The following PLEKHA5 variants were observed in gnomAD, a reference collection of about 807,000 sequenced individuals.
PLEKHA5 encodes pleckstrin homology domain-containing family A member 5.
PLEKHA5 carries 55 observed loss-of-function variants against 181.9 expected under a neutral mutation model. That is an observed-to-expected ratio of 0.30 (90% CI 0.24 to 0.38). PLEKHA5 has a LOEUF of 0.38. PLEKHA5 is among the 10% of genes least tolerant of loss of function. The pLI, the probability that PLEKHA5 is intolerant of heterozygous loss-of-function variation, is 1.00. For synonymous variants in PLEKHA5, 535 were observed against 529.4 expected (o/e 1.01, Z -0.15); for missense variants, 1,432 against 1,549.5 (o/e 0.92, Z 1.27).
intron 14 of PLEKHA5, among the ~76,000 whole-genome samples, chr12:19,291,358 A>G (rs1260350454): frequency 2.0e-5 from 3 of 152,216 alleles, no homozygotes; most frequent in Non-Finnish European, 4.4e-5. Context: ...ATTGACATGT[A>G]AAAGTTCTAA....
At chr12:19,240,628 A>T (rs2062367682) in intron 3 of PLEKHA5, among the ~76,000 whole-genome samples, 1 of 149,150 alleles carries the variant, frequency 6.7e-6, no homozygotes, top group African/African-American at 2.4e-5. Flanking sequence ...TATTATTATT[A>T]ATTATTATTA....
intron 3 of PLEKHA5, among the ~76,000 whole-genome samples, chr12:19,218,955 T>A (rs965012086): frequency 4.0e-5 from 6 of 150,466 alleles, no homozygotes; most frequent in South Asian, 2.1e-4. Flanking sequence ...TTTTTTTTTT[T>A]ATTATACTCT....
chr12:19,137,652 C>T (rs2036049687), intron 3 of PLEKHA5, among the ~76,000 whole-genome samples: 1 of 152,144 alleles, frequency 6.6e-6, no homozygotes, highest in Admixed American at 6.5e-5. Context: ...TCCTATAATC[C>T]TCACAATAGC....
intron 3 of PLEKHA5, among the ~76,000 whole-genome samples, chr12:19,164,406 A>G (rs2151538278): frequency 6.6e-6 from 1 of 151,414 alleles, no homozygotes; most frequent in Middle Eastern, 3.4e-3. Flanking sequence ...TGTTGGCCAA[A>G]CTGGTCTCAA....
intron 16 of PLEKHA5, among the ~76,000 whole-genome samples, 176 bp downstream of exon 16, chr12:19,315,070 T>C (rs1274972039): frequency 4.6e-5 from 7 of 151,978 alleles, no homozygotes; most frequent in African/African-American, 1.7e-4. Context: ...TGCAGTATTC[T>C]TAGCATGGCT....
rs574570023 is a variant in PLEKHA5 at position 19,222,095 on chromosome 12, C to T, written c.228-31845C>T. On this transcript the variant is annotated intron_variant, in intron 3 of 31. Coordinates refer to ENST00000429027, the MANE Select transcript of PLEKHA5 (RefSeq NM_001256470.2). Reference sequence around the variant, plus strand: ...AGCCTGAGCAACATAACGAGACCCCCGTCTCTAAAATATATATGTGTGTGT... The same window carrying T: ...AGCCTGAGCAACATAACGAGACCCCTGTCTCTAAAATATATATGTGTGTGT... 3.3e-5 allele frequency among the ~76,000 whole-genome samples: 5 copies of T among 151,970 alleles called. 1 individual carries two copies. Among genetic ancestry groups the T allele is most frequent in the African/African-American group, 7.2e-5 (3 of 41,428 alleles).
intron 25 of PLEKHA5, among the ~76,000 whole-genome samples, chr12:19,353,567 C>G (rs1467648424): frequency 1.3e-5 from 2 of 152,032 alleles, no homozygotes; most frequent in Admixed American, 6.6e-5. Context: ...TCAAGTGATT[C>G]TCCTGCCTCA....
Position 19,290,724 on chromosome 12 carries a change from C to T in PLEKHA5, c.1911C>T (p.Ala637=), listed in dbSNP as rs1256969132. 2.0e-6 allele frequency: 3 copies of T among 1,535,148 alleles called. No individual in the cohort carries two copies. The highest frequency in any genetic ancestry group is 2.6e-6 in the Non-Finnish European group (3 of 1,146,066). ...LLLIKLRRQQ[A]ELSSIREHTL... is the part of the protein sequence containing the mutation. ...TAATAAAGCTGAGACGGCAGCAAGC[C>T]GAACTGAGTAGTATCCGGGAGCATA... The change falls in exon 14 of 32, where the codon GCC becomes GCT. Residue 637 remains alanine (A), a synonymous_variant. Coordinates refer to ENST00000429027, the MANE Select transcript of PLEKHA5 (RefSeq NM_001256470.2).
intron 4 of PLEKHA5, among the ~76,000 whole-genome samples, chr12:19,254,739 C>A (rs1392434677): frequency 6.6e-6 from 1 of 152,216 alleles, no homozygotes; most frequent in Non-Finnish European, 1.5e-5. Flanking sequence ...AGGAAAATCA[C>A]TTGAACCTGG....
At chr12:19,316,828 TC>T (rs2088965649) in intron 16 of PLEKHA5, among the ~76,000 whole-genome samples, 1 of 152,220 alleles carries the variant, frequency 6.6e-6, no homozygotes, top group Non-Finnish European at 1.5e-5. Context: ...GTTTCCCTCA[TC>T]ATGTTATTAT....
At chr12:19,196,273 A>G (rs1396644828) in intron 3 of PLEKHA5, among the ~76,000 whole-genome samples, 2 of 152,194 alleles carry the variant, frequency 1.3e-5, no homozygotes, top group African/African-American at 4.8e-5. Context: ...AATGTTTTCA[A>G]TTAACACATA....
intron 24 of PLEKHA5, among the ~76,000 whole-genome samples, 198 bp from the exon 25 acceptor site, chr12:19,348,201 A>G (rs2094433016): frequency 1.3e-5 from 2 of 152,162 alleles, no homozygotes; most frequent in African/African-American, 4.8e-5. Context: ...TCTTAATATT[A>G]AAACGAAGTT....
At chr12:19,167,678 A>G (rs909903012) in intron 3 of PLEKHA5, among the ~76,000 whole-genome samples, 1 of 152,114 alleles carries the variant, frequency 6.6e-6, no homozygotes, top group Non-Finnish European at 1.5e-5. Flanking sequence ...GTGAGTGAAC[A>G]TAGACATGGT....
chr12:19,256,021 A>G (rs1463180990), intron 5 of PLEKHA5, among the ~76,000 whole-genome samples: 4 of 152,118 alleles, frequency 2.6e-5, no homozygotes, highest in African/African-American at 9.6e-5. Flanking sequence ...TGTAATTCAT[A>G]TAACAATTAA....
intron 3 of PLEKHA5, among the ~76,000 whole-genome samples, chr12:19,223,700 TTTTTAGGCATTCCAGCA>T (rs2059309477): frequency 6.6e-6 from 1 of 152,184 alleles, no homozygotes; most frequent in Non-Finnish European, 1.5e-5. Context: ...CTCTCTGTTC[TTTTTAGGCATTCCAGCA>T]AGTATCTTAC....
intron 3 of PLEKHA5, among the ~76,000 whole-genome samples, chr12:19,225,506 G>A (rs747419492): frequency 3.3e-5 from 5 of 151,962 alleles, no homozygotes; most frequent in South Asian, 2.1e-4. Flanking sequence ...ATTTTCCCTC[G>A]TTACATTATG....
In PLEKHA5 at chr12:19,281,768, T is replaced by TTTGTTGTTG. The variant is rs71064075; in HGVS notation, c.1314-1491_1314-1483dup. On this transcript the variant is annotated intron_variant, in intron 11 of 31. Transcript: ENST00000429027. ...AAAGAGTATGTTTATCAAAGTGGTT[T>TTTGTTGTTG]TTGTTGTTGTTGTTGTTGTTGTTGT... Among the ~76,000 whole-genome samples, 499 of 149,612 alleles carry TTTGTTGTTG rather than the reference T, an allele frequency of 3.3e-3. 3 individuals are homozygous for TTTGTTGTTG. The highest frequency in any genetic ancestry group is 0.011 in the African/African-American group (469 of 40,802).
chr12:19,190,080 C>G (rs1044983534), intron 3 of PLEKHA5, among the ~76,000 whole-genome samples: 1 of 152,162 alleles, frequency 6.6e-6, no homozygotes, highest in African/African-American at 2.4e-5. Flanking sequence ...TATTATTCAG[C>G]TGAGTCTTAC....
chr12:19,330,490 A>G (rs990386776), intron 20 of PLEKHA5, among the ~76,000 whole-genome samples: 1 of 152,162 alleles, frequency 6.6e-6, no homozygotes, highest in Non-Finnish European at 1.5e-5. Flanking sequence ...TGTAGTCATT[A>G]GATAGTGTAA....
Sources: allele counts gnomAD v4.1 joint callset (sites outside exome capture counted in the v4.1 genomes callset), GRCh38; gene constraint gnomAD v4.1.1; transcripts MANE v1.5; gene names NCBI Gene and HGNC (gene_info 2026-07-23, HGNC 2026-07-21).